MMP17: variants seen among roughly 807,000 people sequenced by gnomAD.
The protein encoded by MMP17 is matrix metalloproteinase-17.
Under a neutral mutation model 49.1 loss-of-function variants are expected in MMP17, and 54 were observed. The ratio of observed to expected loss-of-function variants is 1.10; its 90% CI spans 0.88 to 1.38. The LOEUF is 1.38. Ranked by LOEUF, MMP17 falls within the 40% of genes most tolerant of loss-of-function variation. MMP17 has a pLI of 0.00. For synonymous variants in MMP17, 397 were observed against 383.1 expected, an observed-to-expected ratio of 1.04 and a Z score of -0.42; for missense variants, 837 against 853.7, an observed-to-expected ratio of 0.98 and a Z score of 0.24.
rs1887649327 is a variant in MMP17 at position 131,845,351 on chromosome 12, C to T, written c.1106C>T (p.Ala369Val). 1 of 1,602,388 alleles carries T rather than the reference C, an allele frequency of 6.2e-7. No homozygotes were observed. Among genetic ancestry groups the T allele is most frequent in the Non-Finnish European group, 8.5e-7 (1 of 1,175,086 alleles). The change falls in exon 8 of 10, where the codon GCA (alanine) becomes GTA (valine). Residue 369 changes from alanine (A) to valine (V), a missense_variant. Ala to Val is a moderately conservative substitution (Grantham distance 64). Coordinates refer to ENST00000360564, the MANE Select transcript of MMP17 (RefSeq NM_016155.7). ...CGGCACCTGGTGTCCCTGCAGCCGG[C>T]ACAGATGCACCGCTTCTGGCGGGGC... is the stretch of plus-strand genomic sequence containing the variant. ...RDRHLVSLQP[A>V]QMHRFWRGLP...
chr12:131,850,003 G>A lies in MMP17; in HGVS notation c.1406G>A (p.Ser469Asn). The A allele has an allele frequency of 6.2e-7, 1 of 1,613,570 alleles. No individual in the cohort carries two copies. The highest frequency in any genetic ancestry group is 8.5e-7 in the Non-Finnish European group (1 of 1,179,890). The change falls in exon 9 of 10, where the codon AGC (serine) becomes AAC (asparagine). Residue 469 changes from serine to asparagine, a missense_variant. By Grantham distance (46) the Ser-to-Asn change is conservative. Coordinates refer to ENST00000360564, the MANE Select transcript of MMP17 (RefSeq NM_016155.7). ...RHMDPGYPAQ[S>N]PLWRGVPSTL... ...ATGGACCCCGGCTACCCCGCCCAGAGCCCCCTGTGGAGGGGTGTCCCCAGC... is the reference window on the plus strand; with the variant it reads ...ATGGACCCCGGCTACCCCGCCCAGAACCCCCTGTGGAGGGGTGTCCCCAGC...
Position 131,838,601 on chromosome 12 carries a change from T to C in MMP17, c.293-11T>C, listed in dbSNP as rs1365840101. 1.2e-6 allele frequency: 2 copies of C among 1,607,462 alleles called. No individual in the cohort carries two copies. The highest frequency in any genetic ancestry group is 1.7e-6 in the Non-Finnish European group (2 of 1,177,292). On this transcript the variant is annotated splice_polypyrimidine_tract_variant and intron_variant, in intron 2 of 9. Coordinates refer to ENST00000360564, the MANE Select transcript of MMP17 (RefSeq NM_016155.7). ...CTGGGCTAGGCTCTGAGCTCCATGC[T>C]TTCCCTGCAGACGAGGCCACCCTGG...
chr12:131,844,054 A>T lies in MMP17; in HGVS notation c.941A>T (p.Glu314Val). The change falls in exon 6 of 10, where the codon GAG becomes GTG. Residue 314 changes from glutamate (E) to valine (V), a missense_variant. Transcript: ENST00000360564. ...CCCGAGGAGCCTCCCCTGCTGCCGG[A>T]GCCCCCAGACAACCGGTCCAGCGCC... ...AQPEEPPLLP[E>V]PPDNRSSAPP... 1 of 1,568,244 alleles carries T rather than the reference A, an allele frequency of 6.4e-7. No individual in the cohort carries two copies. Among genetic ancestry groups the T allele is most frequent in the Non-Finnish European group, 8.6e-7 (1 of 1,159,248 alleles).
chr12:131,851,439 C>T lies in MMP17; in HGVS notation c.*165C>T. On this transcript the variant is annotated 3_prime_UTR_variant, in exon 10 of 10. Coordinates refer to ENST00000360564, the MANE Select transcript of MMP17 (RefSeq NM_016155.7). ...GCACTGTCCGCCAGGGCTGGGCAGGCTCAGGTGGCAAGGACGGAGCTGTCC... is the reference window on the plus strand; with the variant it reads ...GCACTGTCCGCCAGGGCTGGGCAGGTTCAGGTGGCAAGGACGGAGCTGTCC... 1.8e-6 allele frequency: 1 copy of T among 547,300 alleles called. No individual in the cohort carries two copies. The highest frequency in any genetic ancestry group is 5.9e-5 in the South Asian group (1 of 17,004). 33.9% of individuals were successfully genotyped at this position (547,300 alleles called of 1,614,324 possible).
intron 5 of MMP17, 50 bp from the exon 6 acceptor site, chr12:131,843,947 G>A: frequency 1.5e-6 from 2 of 1,349,842 alleles, no homozygotes; most frequent in South Asian, 1.3e-5. Flanking sequence ...GGATGTGGGG[G>A]GAGGCGGGCG....
chr12:131,848,415 G>A (rs944217885), intron 8 of MMP17, among the ~76,000 whole-genome samples: 5 of 152,142 alleles, frequency 3.3e-5, no homozygotes, highest in South Asian at 2.1e-4. Flanking sequence ...AATTGTGGGC[G>A]TGGTGAGCAC....
chr12:131,840,819 C>G lies in MMP17; in HGVS notation c.669C>G (p.His223Gln). The stretch of plus-strand genomic sequence containing the variant: ...ACCACCACACCGCCGGGGACACCCA[C>G]TTTGACGATGACGAGGCCTGGACCT... ...PGHHHTAGDT[H>Q]FDDDEAWTFR... Residue 223 changes from histidine (H) to glutamine (Q), a missense_variant, in exon 4 of 10, where the codon CAC becomes CAG. Transcript: ENST00000360564. 1 of 1,607,180 alleles carries G rather than the reference C, an allele frequency of 6.2e-7. No individual in the cohort carries two copies. Among genetic ancestry groups the G allele is most frequent in the Non-Finnish European group, 8.5e-7 (1 of 1,179,482 alleles).
At chr12:131,835,918 C>T (rs1294387694) in intron 1 of MMP17, among the ~76,000 whole-genome samples, 2 of 152,194 alleles carry the variant, frequency 1.3e-5, no homozygotes, top group Non-Finnish European at 2.9e-5. Flanking sequence ...CTCAGTAAAC[C>T]CTGCAGGTGC....
Position 131,828,406 on chromosome 12 carries a change from C to A in MMP17, c.-89C>A, listed in dbSNP as rs897039443. On this transcript the variant is annotated 5_prime_UTR_variant, in exon 1 of 10. Coordinates refer to ENST00000360564, the MANE Select transcript of MMP17 (RefSeq NM_016155.7). ...CGCGCGGGGCTCAGTCCGGCGGGGGCGCCGCGGAGAGCGGAGGGCGCCGGG... is the reference window on the plus strand; with the variant it reads ...CGCGCGGGGCTCAGTCCGGCGGGGGAGCCGCGGAGAGCGGAGGGCGCCGGG... 1.3e-5 allele frequency: 10 copies of A among 774,308 alleles called. No homozygotes were observed. In the African/African-American group the frequency reaches 1.7e-4, roughly 13 times the overall value. The allele number at this position is 774,308 out of a possible 1,614,324, so 48.0% of individuals were successfully genotyped here. A position where few individuals can be genotyped will look rare whatever the true frequency, so the allele number is the denominator to read the frequency against.
At chr12:131,829,374 A>G (rs1886678482) in intron 1 of MMP17, among the ~76,000 whole-genome samples, 1 of 152,102 alleles carries the variant, frequency 6.6e-6, no homozygotes, top group Non-Finnish European at 1.5e-5. Flanking sequence ...GCCTCTTCCT[A>G]CAGCCCCCTC....
At chr12:131,844,964 T>C in intron 6 of MMP17, 154 bp from the exon 7 acceptor site, 1 of 635,764 alleles carries the variant, frequency 1.6e-6, no homozygotes, top group South Asian at 1.8e-5. Context: ...GCACCCCCGT[T>C]TTAATTTGCC....
At position 131,851,383 on chromosome 12, in the gene MMP17, G is replaced by A. The variant is rs1593241777; in HGVS notation, c.*109G>A. Reference sequence around the variant, plus strand: ...GAGGTGCTGGCGCGGGATGAGGACGGGCCACCCTGGCACCGGAAGGCCAGC... The same window carrying A: ...GAGGTGCTGGCGCGGGATGAGGACGAGCCACCCTGGCACCGGAAGGCCAGC... On this transcript the variant is annotated 3_prime_UTR_variant, in exon 10 of 10. Coordinates refer to ENST00000360564, the MANE Select transcript of MMP17 (RefSeq NM_016155.7). 3 of 1,025,800 alleles carry A rather than the reference G, an allele frequency of 2.9e-6. No individual in the cohort carries two copies. Among genetic ancestry groups the A allele is most frequent in the African/African-American group, 3.3e-5 (2 of 59,774 alleles). The allele number at this position is 1,025,800 out of a possible 1,614,324, so 63.5% of individuals were successfully genotyped here.
chr12:131,829,894 C>T (rs1213582308), intron 1 of MMP17, among the ~76,000 whole-genome samples: 1 of 152,224 alleles, frequency 6.6e-6, no homozygotes, highest in Non-Finnish European at 1.5e-5. Flanking sequence ...GTCCAGGTGC[C>T]TGCAGGTCCC....
chr12:131,830,941 C>G (rs12370183), intron 1 of MMP17, among the ~76,000 whole-genome samples: 7,371 of 152,266 alleles, frequency 0.048, 309 homozygotes, highest in South Asian at 0.21. Flanking sequence ...GTTTTGAGTA[C>G]GACATACAGC....
rs959573815 is a variant in MMP17 at position 131,846,204 on chromosome 12, T to C, written c.1204+755T>C. ...GAAATCAAGGGCTAGGCAGGGTGGG[T>C]CCCCTCTGGAGGCTGTCCCAGGCCT... is the stretch of plus-strand genomic sequence containing the variant. On this transcript the variant is annotated intron_variant, in intron 8 of 9. Coordinates refer to ENST00000360564, the MANE Select transcript of MMP17 (RefSeq NM_016155.7). This position sits in a 1 kb window ranked among gnomAD's most constrained non-coding sequence, Gnocchi z 4.6. Among the ~76,000 whole-genome samples the C allele has an allele frequency of 3.9e-5, 6 of 151,994 alleles. No homozygotes were observed. In the South Asian group the frequency reaches 1.3e-3, roughly 32 times the overall value.
chr12:131,847,137 G>A (rs1277584703), intron 8 of MMP17, among the ~76,000 whole-genome samples: 3 of 150,242 alleles, frequency 2.0e-5, no homozygotes, highest in South Asian at 2.1e-4. Flanking sequence ...AAAATGTCAC[G>A]CGCAGTGGCT....
At chr12:131,836,712 C>G (rs1048448781) in intron 1 of MMP17, among the ~76,000 whole-genome samples, 1 of 151,914 alleles carries the variant, frequency 6.6e-6, no homozygotes, top group Non-Finnish European at 1.5e-5. Flanking sequence ...CAGGGCAGAG[C>G]CCCCAGCACA....
Position 131,850,057 on chromosome 12 carries a change from A to G in MMP17, c.1460A>G (p.Asp487Gly). 6.2e-7 allele frequency: 1 copy of G among 1,608,150 alleles called. No homozygotes were observed. The highest frequency in any genetic ancestry group is 1.1e-5 in the South Asian group (1 of 90,824). Reference sequence around the variant, plus strand: ...CTGGACGACGCCATGCGCTGGTCCGACGGTGAGTGCCAGCTGGGGGGACGG... The same window carrying G: ...CTGGACGACGCCATGCGCTGGTCCGGCGGTGAGTGCCAGCTGGGGGGACGG... ...STLDDAMRWSDGASYFFRGQE... is the reference protein window; with the variant it reads ...STLDDAMRWSGGASYFFRGQE... The change falls in exon 9 of 10, where the codon GAC becomes GGC. Residue 487 changes from aspartate (D) to glycine (G), a missense_variant and splice_region_variant. Physicochemically the swap from Asp to Gly is moderately conservative, Grantham distance 94 (BLOSUM62 -1). Coordinates refer to ENST00000360564, the MANE Select transcript of MMP17 (RefSeq NM_016155.7).
At chr12:131,845,838 C>T (rs1020917559) in intron 8 of MMP17, among the ~76,000 whole-genome samples, 2 of 152,096 alleles carry the variant, frequency 1.3e-5, no homozygotes, top group Non-Finnish European at 2.9e-5. Context: ...GCCCGGGGAA[C>T]GGCCGTGCGA....
Sources: allele counts gnomAD v4.1 joint callset (sites outside exome capture counted in the v4.1 genomes callset), GRCh38; gene constraint gnomAD v4.1.1; non-coding constraint Gnocchi (gnomAD v3.1); transcripts MANE v1.5; gene names NCBI Gene and HGNC (gene_info 2026-07-23, HGNC 2026-07-21).